NRXN1: variants seen among roughly 807,000 people sequenced by gnomAD.
NRXN1 encodes neurexin 1, also known as neurexin-1.
Under a neutral mutation model 150.9 loss-of-function variants are expected in NRXN1, and 39 were observed. That is an observed-to-expected ratio of 0.26 (90% confidence interval 0.20 to 0.34). The LOEUF is 0.34. NRXN1 is among the 10% of genes least tolerant of loss of function. NRXN1 has a pLI of 1.00. For synonymous variants in NRXN1, 924 were observed against 757.0 expected, an observed-to-expected ratio of 1.22 and a Z score of -3.62; for missense variants, 1,815 against 1,949.9, an observed-to-expected ratio of 0.93 and a Z score of 1.30.
rs1436069039 is a variant in NRXN1 at position 50,689,855 on chromosome 2, TG to T, written c.833-66241del. On this transcript the variant is annotated intron_variant, in intron 5 of 22. Coordinates refer to ENST00000401669, the MANE Select transcript of NRXN1 (RefSeq NM_001330078.2). ...ATCAGCTTGTTTTTTTTTGCTTATT[TG>T]TGTGTGTGTGTGTGTGTGTGTGTGT... Among the ~76,000 whole-genome samples, 49 of 3,646 alleles carry T rather than the reference TG, an allele frequency of 0.013. 2 individuals are homozygous for T. In the South Asian group the frequency reaches 0.29, roughly 21 times the overall value. 2.4% of individuals were successfully genotyped at this position (3,646 alleles called of 152,430 possible). A position where few individuals can be genotyped will look rare whatever the true frequency, so the allele number is the denominator to read the frequency against.
chr2:50,190,737 T>C (rs1313751572), intron 18 of NRXN1, among the ~76,000 whole-genome samples: 1 of 151,486 alleles, frequency 6.6e-6, no homozygotes, highest in African/African-American at 2.4e-5. Context: ...CTCAGCCTTC[T>C]GAGTAGCTGG....
intron 17 of NRXN1, among the ~76,000 whole-genome samples, chr2:50,387,402 T>A (rs2081396328): frequency 6.6e-6 from 1 of 152,126 alleles, no homozygotes; most frequent in Non-Finnish European, 1.5e-5. Flanking sequence ...AAGTTGTTTT[T>A]CTCTCACTGG....
chr2:50,008,535 C>T (rs915744158), intron 21 of NRXN1, among the ~76,000 whole-genome samples: 1 of 147,620 alleles, frequency 6.8e-6, no homozygotes, highest in East Asian at 2.0e-4. Context: ...ATGATCTCGG[C>T]TCACTGTGAG....
chr2:50,061,552 T>A (rs1416773903), intron 19 of NRXN1, among the ~76,000 whole-genome samples: 1 of 152,138 alleles, frequency 6.6e-6, no homozygotes, highest in Non-Finnish European at 1.5e-5. Flanking sequence ...GATAAAGCAA[T>A]AAATGACCCA....
At chr2:50,029,241 T>G (rs114725564) in intron 21 of NRXN1, among the ~76,000 whole-genome samples, 1 of 152,154 alleles carries the variant, frequency 6.6e-6, no homozygotes, top group Non-Finnish European at 1.5e-5. Context: ...GCTGCCACCT[T>G]GATCATGGAC....
intron 5 of NRXN1, among the ~76,000 whole-genome samples, chr2:50,744,608 T>A (rs1699799527): frequency 6.6e-6 from 1 of 152,138 alleles, no homozygotes; most frequent in African/African-American, 2.4e-5. Context: ...GAAACTTGTT[T>A]TCCCCATTTT....
chr2:50,754,674 C>T (rs554876826), intron 5 of NRXN1, among the ~76,000 whole-genome samples: 120 of 151,440 alleles, frequency 7.9e-4, no homozygotes, highest in Middle Eastern at 6.9e-3. Context: ...CCGAAAGCTT[C>T]CAGCTTTCCA....
chr2:50,257,723 T>C (rs908916305), intron 17 of NRXN1, among the ~76,000 whole-genome samples: 1 of 152,030 alleles, frequency 6.6e-6, no homozygotes. Flanking sequence ...TTAAAATCTG[T>C]ACATCAGCAA....
intron 17 of NRXN1, among the ~76,000 whole-genome samples, chr2:50,264,789 T>G (rs2068667570): frequency 6.6e-6 from 1 of 152,048 alleles, no homozygotes; most frequent in Non-Finnish European, 1.5e-5. Context: ...AGAGTTATAA[T>G]CTAGGCCTCT....
At chr2:50,554,663 T>C (rs1667978673) in intron 8 of NRXN1, among the ~76,000 whole-genome samples, 1 of 152,190 alleles carries the variant, frequency 6.6e-6, no homozygotes, top group Non-Finnish European at 1.5e-5. Context: ...TATCATCTAA[T>C]AGACACAGAT....
intron 22 of NRXN1, among the ~76,000 whole-genome samples, chr2:49,927,844 G>A (rs912212891): frequency 1.3e-5 from 2 of 152,064 alleles, no homozygotes; most frequent in African/African-American, 4.8e-5. Flanking sequence ...ATACTTGAAT[G>A]AGCTGTTCTT....
intron 5 of NRXN1, among the ~76,000 whole-genome samples, chr2:50,726,147 A>G (rs942869016): frequency 6.6e-6 from 1 of 152,144 alleles, no homozygotes; most frequent in African/African-American, 2.4e-5. Flanking sequence ...CACTGCTTGT[A>G]TACCTAGCGA....
chr2:50,471,329 C>T (rs894010864), intron 16 of NRXN1, among the ~76,000 whole-genome samples: 1 of 151,742 alleles, frequency 6.6e-6, no homozygotes, highest in Non-Finnish European at 1.5e-5. Flanking sequence ...TAGTGCAGCT[C>T]CCACTTATAA....
At chr2:50,132,018 C>A (rs192924596) in intron 18 of NRXN1, among the ~76,000 whole-genome samples, 99 of 152,244 alleles carry the variant, frequency 6.5e-4, no homozygotes, top group African/African-American at 2.2e-3. Context: ...CACTGTGATG[C>A]AGAATTACCT....
intron 18 of NRXN1, among the ~76,000 whole-genome samples, chr2:50,210,779 G>C (rs554597268): frequency 6.6e-6 from 1 of 151,332 alleles, no homozygotes; most frequent in South Asian, 2.1e-4. Context: ...ATTGAATAAA[G>C]CACAATCAAA....
At chr2:50,479,973 C>T (rs1012150079) in intron 15 of NRXN1, among the ~76,000 whole-genome samples, 8 of 151,824 alleles carry the variant, frequency 5.3e-5, no homozygotes, top group African/African-American at 2.4e-5. Flanking sequence ...TGGGTTTCAC[C>T]GCGTTGGCCA....
chr2:50,392,771 C>T (rs932584372), intron 17 of NRXN1, among the ~76,000 whole-genome samples: 1 of 151,928 alleles, frequency 6.6e-6, no homozygotes, highest in Admixed American at 6.6e-5. Context: ...AAATGGGTAT[C>T]CTGAAAGCTA....
chr2:50,188,702 T>G (rs1486538814), intron 18 of NRXN1, among the ~76,000 whole-genome samples: 1 of 149,634 alleles, frequency 6.7e-6, no homozygotes, highest in South Asian at 2.1e-4. Flanking sequence ...AAAAAGTGGA[T>G]GAAGAATATG....
At chr2:50,048,275 A>G (rs538122020) in intron 21 of NRXN1, among the ~76,000 whole-genome samples, 2 of 152,282 alleles carry the variant, frequency 1.3e-5, no homozygotes, top group South Asian at 4.1e-4. Flanking sequence ...TTGCTGTAAA[A>G]ATGTACATTA....
Sources: allele counts gnomAD v4.1 joint callset (sites outside exome capture counted in the v4.1 genomes callset), GRCh38; gene constraint gnomAD v4.1.1; transcripts MANE v1.5; gene names NCBI Gene and HGNC (gene_info 2026-07-23, HGNC 2026-07-21).